HLX: variants seen among roughly 807,000 people sequenced by gnomAD.
HLX encodes H2.0-like homeobox protein.
Under a neutral mutation model 27.7 loss-of-function variants are expected in HLX, and 6 were observed. The ratio of observed to expected loss-of-function variants is 0.22; its 90% CI spans 0.12 to 0.43. The LOEUF (loss-of-function observed/expected upper bound fraction) is 0.43, where lower values mean the gene tolerates loss of function less well. HLX is among the 20% of genes least tolerant of loss of function. The probability of loss-of-function intolerance (pLI) is 1.00; values close to 1 mark genes in which losing one functional copy is unlikely to be tolerated. For missense variants in HLX, 666 were observed against 655.2 expected (o/e 1.02, Z -0.18); for synonymous variants, 328 against 293.8 (o/e 1.12, Z -1.19).
intron 3 of HLX, chr1:220,883,598 C>T (rs1269309316): frequency 1.3e-5 from 2 of 153,526 alleles, no homozygotes; most frequent in Non-Finnish European, 2.9e-5. Context: ...TACTGAAAGC[C>T]CAACAATGCC....
Position 220,879,981 on chromosome 1 carries a change from C to T in HLX, c.124C>T (p.Pro42Ser). ...FPLDPAAVKK[P>S]SFCIADILHA... ...CTTGGACCCCGCCGCCGTCAAAAAG[C>T]CCTCCTTCTGCATCGCAGACATTCT... The change falls in exon 1 of 4, where the codon CCC becomes TCC. Residue 42 changes from proline to serine, a missense_variant. Coordinates refer to ENST00000366903, the MANE Select transcript of HLX (RefSeq NM_021958.4). 2.5e-6 allele frequency: 4 copies of T among 1,599,006 alleles called. No homozygotes were observed. In the South Asian group the frequency reaches 4.4e-5, roughly 18 times the overall value.
chr1:220,884,260 G>A lies in HLX; in HGVS notation c.1023G>A (p.Lys341=), dbSNP rs1674518360. 6.2e-7 allele frequency: 1 copy of A among 1,613,958 alleles called. No homozygotes were observed. The highest frequency in any genetic ancestry group is 1.3e-5 in the African/African-American group (1 of 74,916). The change falls in exon 4 of 4, where the codon AAG becomes AAA. Residue 341 remains lysine, a synonymous_variant. Transcript: ENST00000366903. The surrounding 1 kb of genome is among the most constrained non-coding windows in gnomAD (Gnocchi z 4.9). The stretch of plus-strand genomic sequence containing the variant: ...ACTCCAAGGAGGCCCAGGCCCAAAA[G>A]GACAAGGACAAGGAGGCTGGCGAGA... ...WRHSKEAQAQ[K]DKDKEAGEKP...
rs577494949 is a variant in HLX, at chr1:220,884,961, T to C, written c.*257T>C. ...GCAGGCTGGTTCGACTGTGAGGTGT[T>C]TGACTAAACTGTTTCTCTGACTCGC... is the stretch of plus-strand genomic sequence containing the variant. On this transcript the variant is annotated 3_prime_UTR_variant, in exon 4 of 4. Transcript: ENST00000366903. The surrounding 1 kb of genome is among the most constrained non-coding windows in gnomAD (Gnocchi z 4.9). 1.7e-6 allele frequency: 1 copy of C among 571,706 alleles called. No individual in the cohort carries two copies. The highest frequency in any genetic ancestry group is 3.1e-5 in the Admixed American group (1 of 32,066). 35.4% of individuals were successfully genotyped at this position (571,706 alleles called of 1,614,324 possible). A position where few individuals can be genotyped will look rare whatever the true frequency, so the allele number is the denominator to read the frequency against.
Position 220,884,681 on chromosome 1 carries a change from C to G in HLX, c.1444C>G (p.Gln482Glu), listed in dbSNP as rs2102643832. Residue 482 changes from glutamine to glutamate, a missense_variant, in exon 4 of 4, where the codon CAA (glutamine) becomes GAA (glutamate). By Grantham distance (29) the Gln-to-Glu change is conservative. Transcript: ENST00000366903. This position sits in a 1 kb window ranked among gnomAD's most constrained non-coding sequence, Gnocchi z 4.9. ...CGCTCCCAAAAGCCCCGAGCCAGCC[C>G]AAGGCGCGCTTGGCTGCTTATAGAC... ...SSAPKSPEPA[Q>E]GALGCL 1 of 1,610,698 alleles carries G rather than the reference C, an allele frequency of 6.2e-7. No homozygotes were observed. Among genetic ancestry groups the G allele is most frequent in the South Asian group, 1.1e-5 (1 of 90,964 alleles).
At chr1:220,882,638 G>T (rs989527921) in intron 3 of HLX, 2 of 440,330 alleles carry the variant, frequency 4.5e-6, no homozygotes, top group Non-Finnish European at 8.4e-6. Flanking sequence ...AAGCAAAAGG[G>T]CCGCTGGAAA....
chr1:220,881,088 C>T (rs897944747), intron 1 of HLX, 106 bp from the exon 2 acceptor site: 41 of 1,038,110 alleles, frequency 3.9e-5, no homozygotes, highest in South Asian at 3.0e-4. Flanking sequence ...CTCTTGACTT[C>T]GCTCAATAAA....
At position 220,884,402 on chromosome 1, in the gene HLX, A is replaced by T; in HGVS notation, c.1165A>T (p.Ser389Cys). Reference protein sequence around the residue: ...SDSESLDMAPSDTERTEGSER... With the variant: ...SDSESLDMAPCDTERTEGSER... ...CTCCGAGTCCCTGGACATGGCCCCC[A>T]GCGACACGGAGCGGACTGAGGGGAG... The change falls in exon 4 of 4, where the codon AGC (serine) becomes TGC (cysteine). Residue 389 changes from serine to cysteine, a missense_variant. Ser to Cys is a moderately radical substitution (Grantham distance 112). Transcript: ENST00000366903. The surrounding 1 kb of genome is among the most constrained non-coding windows in gnomAD (Gnocchi z 4.9). 16 of 1,614,120 alleles carry T rather than the reference A, an allele frequency of 9.9e-6. No individual in the cohort carries two copies. The highest frequency in any genetic ancestry group is 1.4e-5 in the Non-Finnish European group (16 of 1,180,018).
intron 3 of HLX, chr1:220,883,701 A>C: frequency 6.1e-6 from 1 of 162,910 alleles, no homozygotes; most frequent in East Asian, 1.8e-4. Context: ...GGGTAGTGGC[A>C]GTAGAGGAGA....
At chr1:220,880,487 T>A (rs1481664521) in intron 1 of HLX, 38 bp downstream of exon 1, 2 of 1,610,342 alleles carry the variant, frequency 1.2e-6, no homozygotes, top group African/African-American at 1.3e-5. Flanking sequence ...CTCTGACCAC[T>A]GACCCACTCC....
chr1:220,884,956 G>A lies in HLX; in HGVS notation c.*252G>A, dbSNP rs1395867576. 2 of 590,602 alleles carry A rather than the reference G, an allele frequency of 3.4e-6. No homozygotes were observed. The highest frequency in any genetic ancestry group is 5.9e-6 in the Non-Finnish European group (2 of 341,150). The allele number at this position is 590,602 out of a possible 1,614,324, so 36.6% of individuals were successfully genotyped here. ...CGGAAGCAGGCTGGTTCGACTGTGA[G>A]GTGTTTGACTAAACTGTTTCTCTGA... On this transcript the variant is annotated 3_prime_UTR_variant, in exon 4 of 4. Transcript: ENST00000366903. This position sits in a 1 kb window ranked among gnomAD's most constrained non-coding sequence, Gnocchi z 4.9.
intron 3 of HLX, chr1:220,883,057 T>C (rs1160333361): frequency 6.6e-6 from 1 of 152,232 alleles, no homozygotes; most frequent in African/African-American, 2.4e-5. Context: ...AATAATTTTA[T>C]TCTTTTTCTT....
Position 220,879,730 on chromosome 1 carries a change from G to T in HLX, c.-128G>T, listed in dbSNP as rs1674380691. ...GCTCCCGGCCTCTCTTCCTCAGTGC[G>T]GGCGGAGAAGCGAAAGCGGATCGTC... On this transcript the variant is annotated 5_prime_UTR_variant, in exon 1 of 4. Transcript: ENST00000366903. 2 of 1,375,766 alleles carry T rather than the reference G, an allele frequency of 1.5e-6. No homozygotes were observed. The highest frequency in any genetic ancestry group is 1.9e-6 in the Non-Finnish European group (2 of 1,055,844). The allele number at this position is 1,375,766 out of a possible 1,614,324, so 85.2% of individuals were successfully genotyped here.
Position 220,881,237 on chromosome 1 carries a change from C to A in HLX, c.636C>A (p.His212Gln), listed in dbSNP as rs1198790675. ...CCGGTGGGCGGCCCGCCGGGGTGCA[C>A]CTCTCAGGCCTGCAGCCCTCGGCCG... ...LLTGGRPAGV[H>Q]LSGLQPSAGQ... Residue 212 changes from histidine (H) to glutamine (Q), a missense_variant, in exon 2 of 4, where the codon CAC becomes CAA. Physicochemically the swap from His to Gln is conservative, Grantham distance 24. Coordinates refer to ENST00000366903, the MANE Select transcript of HLX (RefSeq NM_021958.4). 6.2e-7 allele frequency: 1 copy of A among 1,614,154 alleles called. No individual in the cohort carries two copies. The highest frequency in any genetic ancestry group is 8.5e-7 in the Non-Finnish European group (1 of 1,179,986).
At position 220,884,555 on chromosome 1, in the gene HLX, A is replaced by G; in HGVS notation, c.1318A>G (p.Ser440Gly). ...CAATAGTTTCAGCTTCAGCAGCGCC[A>G]GCAGTCTTAGTAGCAGCAGCACCAG... ...GGNSFSFSSA[S>G]SLSSSSTSAG... Residue 440 changes from serine (S) to glycine (G), a missense_variant, in exon 4 of 4, where the codon AGC becomes GGC. Physicochemically the swap from Ser to Gly is moderately conservative, Grantham distance 56. Transcript: ENST00000366903. This position sits in a 1 kb window ranked among gnomAD's most constrained non-coding sequence, Gnocchi z 4.9. The G allele has an allele frequency of 6.2e-7, 1 of 1,608,578 alleles. No homozygotes were observed. Among genetic ancestry groups the G allele is most frequent in the Non-Finnish European group, 8.5e-7 (1 of 1,177,502 alleles).
At chr1:220,881,555 C>T in intron 2 of HLX, 182 bp downstream of exon 2, 1 of 680,020 alleles carries the variant, frequency 1.5e-6, no homozygotes, top group Non-Finnish European at 2.6e-6. Context: ...CGGATGGTTC[C>T]CCTTGAAAAG....
intron 3 of HLX, 115 bp downstream of exon 3, chr1:220,882,463 A>G: frequency 1.1e-6 from 1 of 912,702 alleles, no homozygotes; most frequent in Non-Finnish European, 1.7e-6. Context: ...CAAACGCAAG[A>G]TCTTGACTTT....
chr1:220,884,043 C>A lies in HLX; in HGVS notation c.958-152C>A. On this transcript the variant is annotated intron_variant, in intron 3 of 3. Transcript: ENST00000366903. The surrounding 1 kb of genome is among the most constrained non-coding windows in gnomAD (Gnocchi z 4.9). ...CCTGGGCTGCCCCTTGGCTCCTGCG[C>A]CTACCACAGTGTCTGGTCCTTGGTA... 3.9e-6 allele frequency: 3 copies of A among 776,586 alleles called. No individual in the cohort carries two copies. The highest frequency in any genetic ancestry group is 2.6e-5 in the East Asian group (1 of 37,750). 48.1% of individuals were successfully genotyped at this position (776,586 alleles called of 1,614,324 possible).
intron 2 of HLX, chr1:220,881,687 A>G (rs1674449072): frequency 2.2e-6 from 1 of 456,568 alleles, no homozygotes; most frequent in African/African-American, 2.0e-5. Context: ...TTATTAGCAT[A>G]TACACATTTT....
intron 2 of HLX, chr1:220,881,663 A>G (rs1296015225): frequency 2.0e-6 from 1 of 511,598 alleles, no homozygotes; most frequent in African/African-American, 1.9e-5. Flanking sequence ...TGAAAAATGC[A>G]GCATCAATGT....
Sources: gnomAD v4.1 joint callset for allele counts on GRCh38, gnomAD v4.1.1 for gene constraint, Gnocchi (gnomAD v3.1) non-coding constraint, MANE v1.5 for transcripts, NCBI Gene and HGNC (gene_info 2026-07-23, HGNC 2026-07-21) for gene names.